COL22A1: variants seen among roughly 807,000 people sequenced by gnomAD.
The protein encoded by COL22A1 is collagen alpha-1(XXII) chain.
A neutral mutation model predicts 248.9 loss-of-function variants in COL22A1; 221 were observed. The observed-to-expected ratio is 0.89, with a 90% CI of 0.80 to 0.99. COL22A1 has a LOEUF of 0.99. Ranked by LOEUF, COL22A1 falls within the 50% of genes least tolerant of loss-of-function variation. The probability of loss-of-function intolerance (pLI) is 0.00; values close to 1 mark genes in which losing one functional copy is unlikely to be tolerated. For missense variants in COL22A1, 2,240 were observed against 2,179.0 expected (o/e 1.03, Z -0.56); for synonymous variants, 891 against 793.4 (o/e 1.12, Z -2.07).
chr8:138,912,301 G>A (rs145976866), intron 1 of COL22A1, among the ~76,000 whole-genome samples: 1 of 152,212 alleles, frequency 6.6e-6, no homozygotes, highest in Non-Finnish European at 1.5e-5. Flanking sequence ...TAACAAAAAT[G>A]AAGCCCTGCA....
intron 52 of COL22A1, among the ~76,000 whole-genome samples, chr8:138,621,558 T>C (rs532497683): frequency 3.3e-4 from 50 of 152,318 alleles, no homozygotes; most frequent in African/African-American, 1.0e-3. Flanking sequence ...CTCAGCATAA[T>C]ACACGTTCTG....
At position 138,811,718 on chromosome 8, in the gene COL22A1, G is replaced by C. The variant is rs544635877; in HGVS notation, c.1449+81C>G. On this transcript the variant is annotated intron_variant, in intron 9 of 64. Coordinates refer to ENST00000303045, the MANE Select transcript of COL22A1 (RefSeq NM_152888.3). ...GGGCCTCCTGGTGCCCCCCTGACCT[G>C]AAAGGCCACATGCATGATGGGAAAC... 2.4e-5 allele frequency: 38 copies of C among 1,564,244 alleles called. No individual in the cohort carries two copies. In the African/African-American group the frequency reaches 4.3e-4, roughly 18 times the overall value.
chr8:138,835,047 C>T (rs554903943), intron 4 of COL22A1, among the ~76,000 whole-genome samples: 3 of 152,254 alleles, frequency 2.0e-5, no homozygotes, highest in Non-Finnish European at 2.9e-5. Flanking sequence ...AGGGAAGGCG[C>T]TCCGGGAGGA....
chr8:138,769,836 G>T (rs987423076), intron 16 of COL22A1, among the ~76,000 whole-genome samples: 8 of 152,182 alleles, frequency 5.3e-5, no homozygotes, highest in African/African-American at 1.9e-4. Flanking sequence ...AGGCTGACTT[G>T]GGAGCCAAAA....
chr8:138,877,020 G>T (rs776988529), intron 3 of COL22A1, among the ~76,000 whole-genome samples: 23 of 152,204 alleles, frequency 1.5e-4, no homozygotes, highest in Non-Finnish European at 3.2e-4. Flanking sequence ...CCTGTCCTGG[G>T]GAGGGCGCTG....
chr8:138,702,805 C>G (rs546361779), intron 31 of COL22A1, among the ~76,000 whole-genome samples: 1 of 152,138 alleles, frequency 6.6e-6, no homozygotes, highest in Non-Finnish European at 1.5e-5. Context: ...TTCTAACAGA[C>G]GAGAAAACTG....
chr8:138,637,466 C>T (rs1821294480), intron 47 of COL22A1, among the ~76,000 whole-genome samples: 1 of 152,086 alleles, frequency 6.6e-6, no homozygotes, highest in Non-Finnish European at 1.5e-5. Context: ...GTTTTGTAAC[C>T]TACAAGAACA....
At chr8:138,872,286 AG>A (rs1196485005) in intron 3 of COL22A1, among the ~76,000 whole-genome samples, 1 of 152,092 alleles carries the variant, frequency 6.6e-6, no homozygotes, top group Non-Finnish European at 1.5e-5. Context: ...AGGGTGGGAG[AG>A]GGGGAGGGGA....
intron 3 of COL22A1, among the ~76,000 whole-genome samples, chr8:138,875,670 G>C (rs1031431882): frequency 6.6e-6 from 1 of 152,052 alleles, no homozygotes; most frequent in Non-Finnish European, 1.5e-5. Flanking sequence ...AGTCCTGCCT[G>C]GGATGTCTCC....
intron 44 of COL22A1, among the ~76,000 whole-genome samples, chr8:138,656,822 A>G (rs1206450707): frequency 6.6e-6 from 1 of 152,208 alleles, no homozygotes; most frequent in Non-Finnish European, 1.5e-5. Context: ...AACTAAATGC[A>G]TGGTGGCTGA....
At chr8:138,692,257 C>CAT (rs796325411) in intron 35 of COL22A1, among the ~76,000 whole-genome samples, 328 of 10,040 alleles carry the variant, frequency 0.033, no homozygotes, top group Non-Finnish European at 0.046. Flanking sequence ...CGTATGTGTG[C>CAT]GTGTGTGCAT....
intron 21 of COL22A1, among the ~76,000 whole-genome samples, chr8:138,752,587 A>G (rs1278158034): frequency 6.6e-6 from 1 of 152,180 alleles, no homozygotes; most frequent in Non-Finnish European, 1.5e-5. Context: ...GCGTCAAGAA[A>G]TAGCTGGCAT....
chr8:138,717,815 A>T (rs1472144777), intron 27 of COL22A1, among the ~76,000 whole-genome samples: 1 of 152,224 alleles, frequency 6.6e-6, no homozygotes, highest in African/African-American at 2.4e-5. Context: ...GGTTCTTACA[A>T]ATCATTGATG....
intron 16 of COL22A1, among the ~76,000 whole-genome samples, chr8:138,772,403 G>C (rs1563742855): frequency 6.6e-6 from 1 of 152,228 alleles, no homozygotes; most frequent in African/African-American, 2.4e-5. Context: ...GAAGAGGACA[G>C]GGGTTCTAAG....
At chr8:138,862,430 G>A (rs1200042565) in intron 3 of COL22A1, among the ~76,000 whole-genome samples, 3 of 152,046 alleles carry the variant, frequency 2.0e-5, no homozygotes, top group Admixed American at 6.5e-5. Context: ...TGGAGCTGAG[G>A]CCACTGCTGT....
intron 11 of COL22A1, among the ~76,000 whole-genome samples, chr8:138,798,607 C>T (rs1265325863): frequency 1.3e-5 from 2 of 152,104 alleles, no homozygotes; most frequent in South Asian, 2.1e-4. Context: ...GTATTACATG[C>T]GTGTTTGTTA....
intron 53 of COL22A1, among the ~76,000 whole-genome samples, 197 bp from the exon 54 acceptor site, chr8:138,617,155 C>G (rs565607638): frequency 3.0e-4 from 45 of 152,304 alleles, no homozygotes; most frequent in African/African-American, 1.0e-3. Context: ...TTCTTCCCAG[C>G]CCCCTCTATG....
intron 1 of COL22A1, among the ~76,000 whole-genome samples, chr8:138,894,290 A>T (rs1001584235): frequency 2.6e-5 from 4 of 152,240 alleles, no homozygotes; most frequent in African/African-American, 7.2e-5. Flanking sequence ...TCTGTTGACA[A>T]GGATGGATTA....
chr8:138,787,749 G>A (rs1815664326), intron 12 of COL22A1, among the ~76,000 whole-genome samples: 1 of 152,092 alleles, frequency 6.6e-6, no homozygotes, highest in Non-Finnish European at 1.5e-5. Flanking sequence ...TCCAGGCTCT[G>A]ACCTGTCTTC....
Sources: allele counts gnomAD v4.1 joint callset (sites outside exome capture counted in the v4.1 genomes callset), GRCh38; gene constraint gnomAD v4.1.1; transcripts MANE v1.5; gene names NCBI Gene and HGNC (gene_info 2026-07-23, HGNC 2026-07-21).